The following PDZD2 variants were observed in gnomAD, a reference collection of about 807,000 sequenced individuals.
PDZD2 encodes PDZ domain containing 2, also known as PDZ domain-containing protein 2.
A neutral mutation model predicts 220.7 loss-of-function variants in PDZD2; 90 were observed. That is an observed-to-expected ratio of 0.41 (90% CI 0.34 to 0.49). The LOEUF is 0.49. Ranked by LOEUF, PDZD2 falls within the 20% of genes least tolerant of loss-of-function variation. PDZD2 has a pLI of 0.28. For synonymous variants in PDZD2, 1,375 were observed against 1,450.5 expected (o/e 0.95, Z 1.18); for missense variants, 3,174 against 3,608.5 (o/e 0.88, Z 3.08).
At chr5:31,889,786 G>A (rs1389571393) in intron 2 of PDZD2, among the ~76,000 whole-genome samples, 1 of 152,104 alleles carries the variant, frequency 6.6e-6, no homozygotes, top group Non-Finnish European at 1.5e-5. Context: ...CTGGGAGGCT[G>A]AGGTGGGCAG....
At chr5:31,793,680 C>T (rs909716857) in intron 1 of PDZD2, among the ~76,000 whole-genome samples, 2 of 152,290 alleles carry the variant, frequency 1.3e-5, no homozygotes, top group Non-Finnish European at 2.9e-5. Context: ...TGGTGGCCTG[C>T]GCCTGTAAGC....
intron 1 of PDZD2, among the ~76,000 whole-genome samples, chr5:31,713,176 G>A (rs1310147750): frequency 6.6e-6 from 1 of 152,218 alleles, no homozygotes; most frequent in Non-Finnish European, 1.5e-5. Context: ...CACCAGAAGG[G>A]AGACAGGTAT....
intron 1 of PDZD2, among the ~76,000 whole-genome samples, chr5:31,656,936 T>C (rs997619796): frequency 6.6e-6 from 1 of 152,164 alleles, no homozygotes; most frequent in Non-Finnish European, 1.5e-5. Context: ...CTCAACAGCC[T>C]GGGAGATCAG....
intron 2 of PDZD2, among the ~76,000 whole-genome samples, chr5:31,898,808 C>CTTTTTTTTT (rs35589628): frequency 3.5e-4 from 43 of 123,436 alleles, no homozygotes; most frequent in Middle Eastern, 5.0e-3. Context: ...AGCCTCTCTT[C>CTTTTTTTTT]TTTTTTTTTT....
intron 1 of PDZD2, among the ~76,000 whole-genome samples, chr5:31,711,680 TATAAA>T (rs1748113490): frequency 6.6e-6 from 1 of 152,154 alleles, no homozygotes; most frequent in Non-Finnish European, 1.5e-5. Flanking sequence ...TTTCCTCATC[TATAAA>T]ATGAGCCAGA....
intron 1 of PDZD2, among the ~76,000 whole-genome samples, chr5:31,681,589 AATAT>A (rs1490591764): frequency 9.2e-5 from 14 of 151,724 alleles, no homozygotes; most frequent in Admixed American, 9.2e-4. Context: ...TGTATAATAT[AATAT>A]ATATAATATG....
At chr5:31,867,549 T>C (rs1738342196) in intron 2 of PDZD2, among the ~76,000 whole-genome samples, 1 of 152,186 alleles carries the variant, frequency 6.6e-6, no homozygotes, top group South Asian at 2.1e-4. Context: ...GCTTCTGGTT[T>C]GGCCCTTCAC....
chr5:31,753,314 G>C (rs1751119791), intron 1 of PDZD2, among the ~76,000 whole-genome samples: 1 of 152,222 alleles, frequency 6.6e-6, no homozygotes, highest in South Asian at 2.1e-4. Context: ...ATAGGGAGTG[G>C]TGGAGACTGG....
chr5:32,061,374 G>A (rs1739679974), intron 14 of PDZD2, among the ~76,000 whole-genome samples: 1 of 152,198 alleles, frequency 6.6e-6, no homozygotes, highest in South Asian at 2.1e-4. Context: ...TAAGAATGCT[G>A]TGTTCTGAGT....
chr5:31,848,578 G>A (rs1477839478), intron 2 of PDZD2, among the ~76,000 whole-genome samples: 6 of 151,416 alleles, frequency 4.0e-5, no homozygotes, highest in Non-Finnish European at 5.9e-5. Context: ...GTGAAACCCC[G>A]TCTCTACTAA....
intron 2 of PDZD2, among the ~76,000 whole-genome samples, chr5:31,871,593 G>A (rs964493805): frequency 6.6e-6 from 1 of 152,046 alleles, no homozygotes; most frequent in African/African-American, 2.4e-5. Flanking sequence ...TGGGATTACA[G>A]GCGTGTGCCA....
chr5:31,931,838 T>C (rs1046133984), intron 2 of PDZD2, among the ~76,000 whole-genome samples: 1 of 151,266 alleles, frequency 6.6e-6, no homozygotes, highest in Non-Finnish European at 1.5e-5. Context: ...CGGCGTTGTG[T>C]GAGTTGAGGG....
intron 1 of PDZD2, among the ~76,000 whole-genome samples, chr5:31,781,922 G>A (rs1376461448): frequency 7.0e-6 from 1 of 143,858 alleles, no homozygotes; most frequent in Admixed American, 7.3e-5. Flanking sequence ...TTGGGCATAT[G>A]AGACCAGAGC....
chr5:32,089,646 C>A lies in PDZD2; in HGVS notation c.6198C>A (p.Ala2066=). 1 of 1,613,950 alleles carries A rather than the reference C, an allele frequency of 6.2e-7. No individual in the cohort carries two copies. Among genetic ancestry groups the A allele is most frequent in the Non-Finnish European group, 8.5e-7 (1 of 1,179,978 alleles). Residue 2066 remains alanine (A), a synonymous_variant, in exon 20 of 25, where the codon GCC becomes GCA. Transcript: ENST00000438447. ...RLASHVAADT[A]QPRPTGEKGG... ...CCAGCCATGTGGCAGCAGACACAGC[C>A]CAACCCAGGCCGACTGGCGAAAAAG...
intron 2 of PDZD2, among the ~76,000 whole-genome samples, chr5:31,867,414 G>A (rs1213129082): frequency 6.6e-6 from 1 of 152,130 alleles, no homozygotes; most frequent in African/African-American, 2.4e-5. Flanking sequence ...GTTAAAAGTT[G>A]TGTGGTTTTT....
At chr5:31,741,375 T>TA (rs34030596) in intron 1 of PDZD2, among the ~76,000 whole-genome samples, 22,648 of 147,834 alleles carry the variant, frequency 0.15, 1,804 homozygotes, top group East Asian at 0.21. Flanking sequence ...TTTTTTTTTT[T>TA]AAAAAGGCTC....
chr5:31,697,899 TATC>T (rs1401517668), intron 1 of PDZD2, among the ~76,000 whole-genome samples: 1 of 52,584 alleles, frequency 1.9e-5, no homozygotes, highest in African/African-American at 1.2e-4. Context: ...TTATTATTAT[TATC>T]ATTTTTTATC....
rs571747611 is a variant in PDZD2, at chr5:31,891,357, C to T, written c.476+91633C>T. On this transcript the variant is annotated intron_variant, in intron 2 of 24. Coordinates refer to ENST00000438447, the MANE Select transcript of PDZD2 (RefSeq NM_178140.4). ...TTGAGACAAAGTTTCATTCTTGTTG[C>T]CCAGGCTGGAATGCAGTGGCATGGT... Among the ~76,000 whole-genome samples, 6 of 151,858 alleles carry T rather than the reference C, an allele frequency of 4.0e-5. No individual in the cohort carries two copies. The South Asian group carries it at 1.2e-3, about 32-fold the overall frequency.
rs1168196768 is a variant in PDZD2 at position 32,074,217 on chromosome 5, C to T, written c.3111C>T (p.Ser1037=). 1 of 1,614,206 alleles carries T rather than the reference C, an allele frequency of 6.2e-7. No homozygotes were observed. The change falls in exon 18 of 25, where the codon AGC becomes AGT. Residue 1037 remains serine, a synonymous_variant. Transcript: ENST00000438447. ...CCATCTCGGCACCTCTTCTTGGTAG[C>T]TCAGTGGACTTAGAGGAGAGTATCC... The part of the protein sequence containing the change: ...SKAISAPLLG[S]SVDLEESIPE...
Sources: gnomAD v4.1 joint callset for allele counts (sites outside exome capture counted in the v4.1 genomes callset) on GRCh38, gnomAD v4.1.1 for gene constraint, MANE v1.5 for transcripts, NCBI Gene and HGNC (gene_info 2026-07-23, HGNC 2026-07-21) for gene names.